LRP2: variants seen among roughly 807,000 people sequenced by gnomAD.
The protein encoded by LRP2 is LDL receptor related protein 2, also known as low-density lipoprotein receptor-related protein 2.
In LRP2, 172 loss-of-function variants were observed where a neutral mutation model predicts 531.0. The observed-to-expected ratio is 0.32, with a 90% confidence interval of 0.29 to 0.37. The LOEUF (loss-of-function observed/expected upper bound fraction) is 0.37, where lower values mean the gene tolerates loss of function less well. Among genes scored for constraint, LRP2 ranks in the 10% least tolerant of loss-of-function variants. LRP2 has a pLI of 1.00. For missense variants in LRP2, 5,167 were observed against 5,868.3 expected (o/e 0.88, Z 3.90); for synonymous variants, 1,992 against 2,027.6 (o/e 0.98, Z 0.47).
In LRP2 at chr2:169,206,919, G is replaced by A. The variant is rs1425693249; in HGVS notation, c.6801C>T (p.Asn2267=). The change falls in exon 39 of 79, where the codon AAC becomes AAT. Residue 2267 remains asparagine, a synonymous_variant. Transcript: ENST00000649046. ...IIARIRINGE[N]SEVIRYGSRY... ...GACTGCCATAACGAATCACTTCAGA[G>A]TTCTCTCCATTGATACGAATCCTTG... 1.2e-6 allele frequency: 2 copies of A among 1,614,054 alleles called. No individual in the cohort carries two copies. Among genetic ancestry groups the A allele is most frequent in the African/African-American group, 2.7e-5 (2 of 74,918 alleles).
chr2:169,151,208 C>T (rs1686107359), intron 67 of LRP2, among the ~76,000 whole-genome samples, 182 bp from the exon 68 acceptor site: 1 of 152,180 alleles, frequency 6.6e-6, no homozygotes, highest in South Asian at 2.1e-4. Context: ...TGGCAGGTTA[C>T]ACTTGGAAGA....
chr2:169,193,491 G>T (rs1305412977), intron 47 of LRP2, among the ~76,000 whole-genome samples: 25 of 147,770 alleles, frequency 1.7e-4, no homozygotes, highest in African/African-American at 5.9e-4. Context: ...GTATTTGTGG[G>T]TTTTTTTTTT....
At position 169,135,187 on chromosome 2, in the gene LRP2, A is replaced by G. The variant is rs956364922; in HGVS notation, c.13620+2205T>C. Among the ~76,000 whole-genome samples the G allele has an allele frequency of 3.3e-5, 5 of 152,090 alleles. 1 individual carries two copies. Among genetic ancestry groups the G allele is most frequent in the Admixed American group, 3.3e-4 (5 of 15,254 alleles). Reference sequence around the variant, plus strand: ...CATTTCCTTTCCATTGTGGAAATCTATCCTCAAGGAAATCACTTCTCAGTG... The same window carrying G: ...CATTTCCTTTCCATTGTGGAAATCTGTCCTCAAGGAAATCACTTCTCAGTG... On this transcript the variant is annotated intron_variant, in intron 76 of 78. Coordinates refer to ENST00000649046, the MANE Select transcript of LRP2 (RefSeq NM_004525.3).
intron 37 of LRP2, 133 bp downstream of exon 37, chr2:169,211,835 C>G (rs978391900): frequency 8.1e-7 from 1 of 1,238,724 alleles, no homozygotes; most frequent in African/African-American, 1.5e-5. Flanking sequence ...TTAGGCTGTG[C>G]CAGTTGATTT....
At chr2:169,195,460 A>C (rs1687974166) in intron 46 of LRP2, among the ~76,000 whole-genome samples, 1 of 152,082 alleles carries the variant, frequency 6.6e-6, no homozygotes, top group African/African-American at 2.4e-5. Flanking sequence ...AAAAAATGTA[A>C]ATTTTACTTT....
chr2:169,296,057 A>C (rs1684127412), intron 4 of LRP2, among the ~76,000 whole-genome samples: 1 of 152,062 alleles, frequency 6.6e-6, no homozygotes, highest in African/African-American at 2.4e-5. Flanking sequence ...TTCAAGCAGA[A>C]GCCATGCACA....
intron 64 of LRP2, 29 bp downstream of exon 64, chr2:169,157,342 A>G: frequency 2.5e-6 from 4 of 1,611,278 alleles, no homozygotes; most frequent in Non-Finnish European, 8.5e-7. Context: ...AAGTTCACCT[A>G]AACAGGAATT....
intron 58 of LRP2, among the ~76,000 whole-genome samples, chr2:169,170,908 GCTCT>G (rs1220389254): frequency 7.2e-6 from 1 of 138,530 alleles, no homozygotes; most frequent in East Asian, 2.1e-4. Flanking sequence ...TTTCTCTCTT[GCTCT>G]CTCTCTCTGT....
At chr2:169,150,773 G>A (rs1034731865) in intron 68 of LRP2, 125 bp downstream of exon 68, 96 of 1,091,184 alleles carry the variant, frequency 8.8e-5, no homozygotes, top group South Asian at 1.6e-4. Context: ...AGTCATAGAC[G>A]CTACTCCCAA....
chr2:169,219,527 A>G lies in LRP2; in HGVS notation c.5648+927T>C, dbSNP rs570017685. ...CCTCTCTCCACATCAATCCTGACCA[A>G]TTTTTCTAAAACACAAATTTGGTTC... On this transcript the variant is annotated intron_variant, in intron 34 of 78. Coordinates refer to ENST00000649046, the MANE Select transcript of LRP2 (RefSeq NM_004525.3). Among the ~76,000 whole-genome samples the G allele has an allele frequency of 2.0e-5, 3 of 152,138 alleles. No individual in the cohort carries two copies. The South Asian group carries it at 6.2e-4, about 32-fold the overall frequency.
chr2:169,226,724 C>T (rs572709694), intron 31 of LRP2, 136 bp from the exon 32 acceptor site: 1 of 728,340 alleles, frequency 1.4e-6, no homozygotes, highest in East Asian at 2.7e-5. Flanking sequence ...ATATAATGTA[C>T]TTCATCAGAC....
At chr2:169,151,144 T>C in intron 67 of LRP2, 118 bp from the exon 68 acceptor site, 4 of 1,017,042 alleles carry the variant, frequency 3.9e-6, no homozygotes, top group Non-Finnish European at 6.2e-6. Context: ...CAGATACCTA[T>C]CATCAGACCA....
intron 3 of LRP2, 87 bp downstream of exon 3, chr2:169,318,675 A>C: frequency 6.3e-7 from 1 of 1,578,330 alleles, no homozygotes; most frequent in Non-Finnish European, 8.7e-7. Context: ...TTTATAAAGA[A>C]TCATCCCATT....
chr2:169,335,689 C>T (rs563469622), intron 1 of LRP2, among the ~76,000 whole-genome samples: 2 of 152,060 alleles, frequency 1.3e-5, no homozygotes, highest in East Asian at 3.9e-4. Flanking sequence ...TTCTCCAGGA[C>T]CCACGTTTAA....
In LRP2 at chr2:169,193,903, C is replaced by A; in HGVS notation, c.8699-11G>T. ...TTCGCTCAGAGTGACCTGAAAAGAT[C>A]AATAGCATTCTCAGTGAAAAAAAGT... On this transcript the variant is annotated splice_polypyrimidine_tract_variant and intron_variant, in intron 46 of 78. Coordinates refer to ENST00000649046, the MANE Select transcript of LRP2 (RefSeq NM_004525.3). The A allele has an allele frequency of 6.2e-7, 1 of 1,614,024 alleles. No homozygotes were observed. The highest frequency in any genetic ancestry group is 1.1e-5 in the South Asian group (1 of 91,072).
In LRP2 at chr2:169,259,082, C is replaced by T. The variant is rs142080405; in HGVS notation, c.2456G>A (p.Arg819His). 6.1e-4 allele frequency: 979 copies of T among 1,613,296 alleles called. 7 individuals are homozygous for T. In the African/African-American group the frequency reaches 0.011, roughly 18 times the overall value. ...GTTATTTAAATACTGAACTACTGTG[C>T]GTCTCGTTTTATCAGCTAGCCTCAT... ...SVMRLADKTR[R>H]TVVQYLNNPR... Residue 819 changes from arginine (R) to histidine (H), a missense_variant, in exon 17 of 79, where the codon CGC becomes CAC. Coordinates refer to ENST00000649046, the MANE Select transcript of LRP2 (RefSeq NM_004525.3).
At position 169,271,766 on chromosome 2, in the gene LRP2, C is replaced by G. The variant is rs536156498; in HGVS notation, c.2117-659G>C. 19 of 844,454 alleles carry G rather than the reference C, an allele frequency of 2.2e-5. No homozygotes were observed. In the African/African-American group the frequency reaches 2.9e-4, roughly 13 times the overall value. The allele number at this position is 844,454 out of a possible 1,614,324, so 52.3% of individuals were successfully genotyped here. A position where few individuals can be genotyped will look rare whatever the true frequency, so the allele number is the denominator to read the frequency against. ...GTTGGTTTAACTTCTGCATAGAGAT[C>G]TACACCAAGAACCTTACAGTAGATA... On this transcript the variant is annotated intron_variant, in intron 15 of 78. Coordinates refer to ENST00000649046, the MANE Select transcript of LRP2 (RefSeq NM_004525.3).
At chr2:169,312,269 C>T (rs1486654204) in intron 3 of LRP2, among the ~76,000 whole-genome samples, 4 of 151,860 alleles carry the variant, frequency 2.6e-5, no homozygotes, top group African/African-American at 4.8e-5. Context: ...TTATTTTGCT[C>T]GTTAGTTGAT....
chr2:169,174,672 C>T (rs1349257444), intron 55 of LRP2, among the ~76,000 whole-genome samples: 2 of 152,050 alleles, frequency 1.3e-5, no homozygotes, highest in Non-Finnish European at 2.9e-5. Context: ...CCATGCCAGG[C>T]TAATTTTTTG....
Sources: allele counts gnomAD v4.1 joint callset (sites outside exome capture counted in the v4.1 genomes callset), GRCh38; gene constraint gnomAD v4.1.1; transcripts MANE v1.5; gene names NCBI Gene and HGNC (gene_info 2026-07-23, HGNC 2026-07-21).